KIF5C: variants seen among roughly 807,000 people sequenced by gnomAD.
The protein encoded by KIF5C is kinesin heavy chain isoform 5C.
In KIF5C, 18 loss-of-function variants were observed where a neutral mutation model predicts 125.2. The ratio of observed to expected loss-of-function variants is 0.14; its 90% CI spans 0.10 to 0.21. The LOEUF (loss-of-function observed/expected upper bound fraction) is 0.21. KIF5C is among the 10% of genes least tolerant of loss of function. KIF5C has a pLI of 1.00. For missense variants in KIF5C, 780 were observed against 1,183.8 expected (o/e 0.66, Z 5.01); for synonymous variants, 405 against 434.0 (o/e 0.93, Z 0.83).
rs984791961 is a variant in KIF5C, at chr2:149,026,579, A to G, written c.*3509A>G. ...GAGGGGAGAATGGTGGTTTATATCA[A>G]TAACGATGCTGTACTATAGTCCATG... On this transcript the variant is annotated 3_prime_UTR_variant, in exon 26 of 26. Coordinates refer to ENST00000435030, the MANE Select transcript of KIF5C (RefSeq NM_004522.3). 3 of 152,712 alleles carry G rather than the reference A, an allele frequency of 2.0e-5. No individual in the cohort carries two copies. The highest frequency in any genetic ancestry group is 4.8e-5 in the African/African-American group (2 of 41,460). The allele number at this position is 152,712 out of a possible 1,614,324, so 9.5% of individuals were successfully genotyped here.
intron 14 of KIF5C, among the ~76,000 whole-genome samples, chr2:148,982,948 T>A (rs1681277583): frequency 6.6e-6 from 1 of 152,212 alleles, no homozygotes; most frequent in South Asian, 2.1e-4. Flanking sequence ...TACATACCTT[T>A]TGGCAAGATA....
intron 16 of KIF5C, among the ~76,000 whole-genome samples, chr2:148,993,665 G>C (rs1339804601): frequency 1.3e-5 from 2 of 152,174 alleles, no homozygotes; most frequent in African/African-American, 4.8e-5. Flanking sequence ...CCTGCCTAAA[G>C]CTGAGCTCCC....
chr2:148,885,347 A>G lies in KIF5C; in HGVS notation c.126+9604A>G, dbSNP rs150720600. Among the ~76,000 whole-genome samples, 146 of 152,274 alleles carry G rather than the reference A, an allele frequency of 9.6e-4. 1 individual carries two copies. Among genetic ancestry groups the G allele is most frequent in the African/African-American group, 3.3e-3 (137 of 41,552 alleles). On this transcript the variant is annotated intron_variant, in intron 1 of 25. Transcript: ENST00000435030. ...GCCAGTGTGTCAGGGTCACCTGGAA[A>G]GCTATTTAAAGAGCTTCCTGCTCTG... is the stretch of plus-strand genomic sequence containing the variant.
At chr2:148,902,475 C>T (rs1310704578) in intron 1 of KIF5C, among the ~76,000 whole-genome samples, 2 of 152,154 alleles carry the variant, frequency 1.3e-5, no homozygotes, top group South Asian at 2.1e-4. Context: ...CGCCACCACG[C>T]CCAGATAATT....
chr2:148,906,031 C>T (rs1002056849), intron 1 of KIF5C, among the ~76,000 whole-genome samples: 5 of 152,014 alleles, frequency 3.3e-5, no homozygotes, highest in South Asian at 2.1e-4. Flanking sequence ...TGGGAATTAT[C>T]GGAGCTACAA....
rs367955770 is a variant in KIF5C, at chr2:148,922,162, G to C, written c.152G>C (p.Arg51Thr). ...IGQGKPYVFDRVLPPNTTQEQ... is the reference protein window; with the variant it reads ...IGQGKPYVFDTVLPPNTTQEQ... ...CAAGGGAAGCCATATGTCTTCGACA[G>C]AGTGCTACCTCCCAACACGACCCAA... Residue 51 changes from arginine to threonine, a missense_variant, in exon 2 of 26, where the codon AGA becomes ACA. Physicochemically the swap from Arg to Thr is moderately conservative, Grantham distance 71 (BLOSUM62 -1). Transcript: ENST00000435030. 4.3e-6 allele frequency: 7 copies of C among 1,612,534 alleles called. No homozygotes were observed. The highest frequency in any genetic ancestry group is 5.9e-6 in the Non-Finnish European group (7 of 1,179,302).
intron 1 of KIF5C, among the ~76,000 whole-genome samples, 181 bp from the exon 2 acceptor site, chr2:148,921,956 A>G (rs1182522780): frequency 6.6e-6 from 1 of 152,244 alleles, no homozygotes; most frequent in Non-Finnish European, 1.5e-5. Flanking sequence ...CAGTGCACAT[A>G]TACACAATGC....
rs867098061 is a variant in KIF5C, at chr2:148,875,911, C to A, written c.126+168C>A. Among the ~76,000 whole-genome samples, 7 of 151,820 alleles carry A rather than the reference C, an allele frequency of 4.6e-5. No individual in the cohort carries two copies. In the South Asian group the frequency reaches 6.2e-4, roughly 14 times the overall value. Reference sequence around the variant, plus strand: ...CCCTCGCCCCGCGCACTATGGTTCCCTCCCGGGCGGGTGGAGAGGCGGCCG... The same window carrying A: ...CCCTCGCCCCGCGCACTATGGTTCCATCCCGGGCGGGTGGAGAGGCGGCCG... On this transcript the variant is annotated intron_variant, in intron 1 of 25. Transcript: ENST00000435030.
intron 6 of KIF5C, 76 bp downstream of exon 6, chr2:148,942,066 G>T: frequency 6.6e-7 from 1 of 1,520,164 alleles, no homozygotes; most frequent in Non-Finnish European, 9.0e-7. Flanking sequence ...CATAAGATGT[G>T]CAGAATATTA....
intron 16 of KIF5C, among the ~76,000 whole-genome samples, chr2:148,994,219 G>A (rs1176971110): frequency 3.3e-5 from 5 of 152,170 alleles, no homozygotes; most frequent in African/African-American, 4.8e-5. Flanking sequence ...GAATGAAGCC[G>A]AGAAGCACAG....
chr2:148,918,401 G>T (rs1162467753), intron 1 of KIF5C, among the ~76,000 whole-genome samples: 1 of 152,176 alleles, frequency 6.6e-6, no homozygotes, highest in Non-Finnish European at 1.5e-5. Flanking sequence ...TATAATTGTA[G>T]TGGTTAATTA....
intron 11 of KIF5C, among the ~76,000 whole-genome samples, chr2:148,972,996 T>C (rs1360872582): frequency 1.3e-5 from 2 of 152,182 alleles, no homozygotes; most frequent in Non-Finnish European, 2.9e-5. Context: ...AGAGAGAATA[T>C]GACTCTAGTA....
intron 10 of KIF5C, among the ~76,000 whole-genome samples, chr2:148,952,376 G>A (rs1215566396): frequency 6.6e-6 from 1 of 152,190 alleles, no homozygotes; most frequent in African/African-American, 2.4e-5. Flanking sequence ...GGGCATTGCT[G>A]TTATCAGGAG....
intron 15 of KIF5C, among the ~76,000 whole-genome samples, chr2:148,988,488 C>A (rs1024525483): frequency 6.6e-6 from 1 of 152,176 alleles, no homozygotes. Flanking sequence ...CTTTGACAGA[C>A]CTGGAAAAGA....
intron 25 of KIF5C, among the ~76,000 whole-genome samples, chr2:149,022,245 A>G (rs1464606167): frequency 1.3e-5 from 2 of 152,206 alleles, no homozygotes; most frequent in South Asian, 4.1e-4. Flanking sequence ...GAGAAAATGC[A>G]TTATGTTACT....
intron 10 of KIF5C, among the ~76,000 whole-genome samples, chr2:148,961,618 A>G (rs149452393): frequency 1.3e-5 from 2 of 152,328 alleles, no homozygotes; most frequent in Non-Finnish European, 2.9e-5. Flanking sequence ...CAGGGGGCTT[A>G]AAGGAGGGTA....
intron 17 of KIF5C, among the ~76,000 whole-genome samples, chr2:148,995,597 A>G (rs1681644730): frequency 6.6e-6 from 1 of 152,248 alleles, no homozygotes; most frequent in Non-Finnish European, 1.5e-5. Context: ...TTTTCTCAGA[A>G]AGCCATTTGA....
chr2:148,950,258 CTG>C, intron 9 of KIF5C, 54 bp from the exon 10 acceptor site: 1 of 1,584,386 alleles, frequency 6.3e-7, no homozygotes, highest in Non-Finnish European at 8.6e-7. Context: ...TTGCTTGCCT[CTG>C]TGTTTTTCTC....
chr2:148,964,699 A>C (rs978426191), intron 11 of KIF5C, among the ~76,000 whole-genome samples: 6 of 151,646 alleles, frequency 4.0e-5, no homozygotes, highest in African/African-American at 1.5e-4. Flanking sequence ...AGCCAGGCAA[A>C]ATAGGGGGCA....
Sources: allele counts gnomAD v4.1 joint callset (sites outside exome capture counted in the v4.1 genomes callset), GRCh38; gene constraint gnomAD v4.1.1; transcripts MANE v1.5; gene names NCBI Gene and HGNC (gene_info 2026-07-23, HGNC 2026-07-21).